The following NSMCE2 variants were observed in gnomAD, a reference collection of about 807,000 sequenced individuals.
NSMCE2 encodes E3 SUMO-protein ligase NSE2.
NSMCE2 carries 24 observed loss-of-function variants against 23.8 expected under a neutral mutation model. That is an observed-to-expected ratio of 1.01 (90% CI 0.73 to 1.42). The LOEUF is 1.42. Among genes scored for constraint, NSMCE2 ranks in the 40% most tolerant of loss-of-function variants. The probability of loss-of-function intolerance (pLI) is 0.00; values close to 1 mark genes in which losing one functional copy is unlikely to be tolerated. For synonymous variants in NSMCE2, 92 were observed against 94.1 expected (o/e 0.98, Z 0.13); for missense variants, 284 against 296.5 (o/e 0.96, Z 0.31).
chr8:125,184,549 A>C (rs1442735148), intron 5 of NSMCE2, among the ~76,000 whole-genome samples: 1 of 152,194 alleles, frequency 6.6e-6, no homozygotes, highest in African/African-American at 2.4e-5. Flanking sequence ...AATTTCCCCT[A>C]GAATTTTATT....
At chr8:125,276,912 G>A (rs1827471265) in intron 5 of NSMCE2, among the ~76,000 whole-genome samples, 1 of 152,118 alleles carries the variant, frequency 6.6e-6, no homozygotes, top group African/African-American at 2.4e-5. Context: ...ACAACTGTGG[G>A]GGACACCATT....
intron 4 of NSMCE2, among the ~76,000 whole-genome samples, chr8:125,175,125 G>GT (rs35441944): frequency 0.016 from 2,385 of 151,622 alleles, 42 homozygotes; most frequent in Admixed American, 0.048. Flanking sequence ...ACTTTACCAA[G>GT]TTTTTTTTTG....
At chr8:125,352,979 T>C (rs1813102555) in intron 5 of NSMCE2, among the ~76,000 whole-genome samples, 1 of 152,234 alleles carries the variant, frequency 6.6e-6, no homozygotes, top group South Asian at 2.1e-4. Context: ...TTCCCCAGTC[T>C]CACTTTTGTT....
At position 125,366,192 on chromosome 8, in the gene NSMCE2, C is replaced by T. The variant is rs115256389; in HGVS notation, c.627-576C>T. Among the ~76,000 whole-genome samples, 208 of 152,330 alleles carry T rather than the reference C, an allele frequency of 1.4e-3. 2 individuals are homozygous for T. Among genetic ancestry groups the T allele is most frequent in the African/African-American group, 4.9e-3 (202 of 41,578 alleles). ...CTCATAGCCCATAAGGTGACCTGAA[C>T]TTGCAGCAAGCATTTATTTGGTTCC... is the stretch of plus-strand genomic sequence containing the variant. On this transcript the variant is annotated intron_variant, in intron 7 of 7. Coordinates refer to ENST00000287437, the MANE Select transcript of NSMCE2 (RefSeq NM_173685.4).
At chr8:125,246,672 CATGGAA>C (rs1256173447) in intron 5 of NSMCE2, among the ~76,000 whole-genome samples, 2 of 152,126 alleles carry the variant, frequency 1.3e-5, no homozygotes, top group Non-Finnish European at 2.9e-5. Flanking sequence ...TATTTCAAAG[CATGGAA>C]ATGTCTTGTG....
At chr8:125,147,791 C>G (rs1054808547) in intron 3 of NSMCE2, among the ~76,000 whole-genome samples, 1 of 152,106 alleles carries the variant, frequency 6.6e-6, no homozygotes, top group Non-Finnish European at 1.5e-5. Flanking sequence ...ATCCCTTTTT[C>G]CCCCTCCAAA....
At chr8:125,362,594 C>T (rs1259429600) in intron 7 of NSMCE2, among the ~76,000 whole-genome samples, 1 of 152,228 alleles carries the variant, frequency 6.6e-6, no homozygotes, top group Non-Finnish European at 1.5e-5. Context: ...GGCTTGTCCT[C>T]TGCCTTCATG....
chr8:125,145,228 A>G (rs2130645486), intron 3 of NSMCE2, among the ~76,000 whole-genome samples: 1 of 152,286 alleles, frequency 6.6e-6, no homozygotes, highest in East Asian at 1.9e-4. Flanking sequence ...TTCAGTCCAC[A>G]ATGGTTTGGC....
intron 5 of NSMCE2, among the ~76,000 whole-genome samples, chr8:125,296,448 G>A (rs964331277): frequency 7.1e-6 from 1 of 140,692 alleles, no homozygotes; most frequent in Non-Finnish European, 1.5e-5. Context: ...AGGCTGGAGT[G>A]CAGTGGTGCA....
At chr8:125,291,505 T>C (rs940408767) in intron 5 of NSMCE2, among the ~76,000 whole-genome samples, 3 of 152,156 alleles carry the variant, frequency 2.0e-5, no homozygotes, top group African/African-American at 7.2e-5. Context: ...GAGATATACA[T>C]TGGCCAACTC....
chr8:125,228,579 A>C (rs1825195258), intron 5 of NSMCE2, among the ~76,000 whole-genome samples: 1 of 152,182 alleles, frequency 6.6e-6, no homozygotes, highest in Non-Finnish European at 1.5e-5. Flanking sequence ...TCACTGGGGA[A>C]GGCAGTACAG....
intron 5 of NSMCE2, among the ~76,000 whole-genome samples, chr8:125,354,742 A>T (rs1813182098): frequency 6.6e-6 from 1 of 152,206 alleles, no homozygotes; most frequent in South Asian, 2.1e-4. Flanking sequence ...AAGAAAAACA[A>T]AGTAATTGGA....
chr8:125,289,505 T>C (rs916256549), intron 5 of NSMCE2, among the ~76,000 whole-genome samples: 2 of 152,220 alleles, frequency 1.3e-5, no homozygotes, highest in African/African-American at 4.8e-5. Context: ...AGGGTACTTA[T>C]CAGAGGGCAT....
intron 1 of NSMCE2, among the ~76,000 whole-genome samples, chr8:125,097,822 A>G (rs1563647711): frequency 6.6e-6 from 1 of 152,210 alleles, no homozygotes; most frequent in East Asian, 1.9e-4. Context: ...GTCTTGGTGA[A>G]AAGTAGAATC....
chr8:125,133,355 T>C (rs1446569877), intron 3 of NSMCE2, among the ~76,000 whole-genome samples: 1 of 152,198 alleles, frequency 6.6e-6, no homozygotes, highest in African/African-American at 2.4e-5. Flanking sequence ...TCTAGCTTAA[T>C]GAAAGACTGA....
At chr8:125,127,892 C>G (rs557176006) in intron 3 of NSMCE2, among the ~76,000 whole-genome samples, 14 of 152,104 alleles carry the variant, frequency 9.2e-5, no homozygotes, top group Non-Finnish European at 1.9e-4. Context: ...TAATTTTATA[C>G]AACATTTTAA....
chr8:125,304,297 A>G (rs1166682074), intron 5 of NSMCE2, among the ~76,000 whole-genome samples: 1 of 152,214 alleles, frequency 6.6e-6, no homozygotes, highest in Non-Finnish European at 1.5e-5. Flanking sequence ...TAGCATAGTA[A>G]GTGATAGTTG....
In NSMCE2 at chr8:125,316,773, C is replaced by CCTTCCTTCCT. The variant is rs1172219929; in HGVS notation, c.419-40446_419-40445insCTTCCTTCCT. Among the ~76,000 whole-genome samples the CCTTCCTTCCT allele has an allele frequency of 1.6e-3, 124 of 77,366 alleles. 1 individual carries two copies. Among genetic ancestry groups the CCTTCCTTCCT allele is most frequent in the African/African-American group, 9.9e-3 (115 of 11,562 alleles). 50.8% of individuals were successfully genotyped at this position (77,366 alleles called of 152,430 possible). On this transcript the variant is annotated intron_variant, in intron 5 of 7. Coordinates refer to ENST00000287437, the MANE Select transcript of NSMCE2 (RefSeq NM_173685.4). ...CTTCCTTCCTTCCTTCCTTCCTTCTCTCTCTCTCTTTCTTTCTTTCTTTCT... is the reference window on the plus strand; with the variant it reads ...CTTCCTTCCTTCCTTCCTTCCTTCTCCTTCCTTCCTTCTCTCTCTTTCTTTCTTTCTTTCT...
At chr8:125,100,554 T>G (rs1157787429) in intron 1 of NSMCE2, among the ~76,000 whole-genome samples, 1 of 152,014 alleles carries the variant, frequency 6.6e-6, no homozygotes, top group Non-Finnish European at 1.5e-5. Flanking sequence ...GAGTAGAGGC[T>G]GAATTTTTTT....
Sources: gnomAD v4.1 joint callset for allele counts (sites outside exome capture counted in the v4.1 genomes callset) on GRCh38, gnomAD v4.1.1 for gene constraint, MANE v1.5 for transcripts, NCBI Gene and HGNC (gene_info 2026-07-23, HGNC 2026-07-21) for gene names.